The following CP variants were observed in gnomAD, a reference collection of about 807,000 sequenced individuals.
The protein encoded by CP is caeruloplasmin.
CP carries 64 observed loss-of-function variants against 122.4 expected under a neutral mutation model. The observed-to-expected ratio is 0.52, with a 90% CI of 0.43 to 0.64. CP has a LOEUF of 0.64. Ranked by LOEUF, CP falls within the 30% of genes least tolerant of loss-of-function variation. CP has a pLI of 0.00. For synonymous variants in CP, 440 were observed against 436.4 expected (o/e 1.01, Z -0.10); for missense variants, 1,167 against 1,284.4 (o/e 0.91, Z 1.40).
In CP at chr3:149,176,456, G is replaced by A. The variant is rs987297488; in HGVS notation, c.3019-44C>T. 5 of 1,415,340 alleles carry A rather than the reference G, an allele frequency of 3.5e-6. No homozygotes were observed. The South Asian group carries it at 5.8e-5, about 16-fold the overall frequency. 87.7% of individuals were successfully genotyped at this position (1,415,340 alleles called of 1,614,324 possible). A position where few individuals can be genotyped will look rare whatever the true frequency, so the allele number is the denominator to read the frequency against. On this transcript the variant is annotated intron_variant, in intron 17 of 18. Coordinates refer to ENST00000264613, the MANE Select transcript of CP (RefSeq NM_000096.4). ...AAATAATGTATAATATTGTATATGA[G>A]AGTTCACTCATGTCATTTGTTAATG...
chr3:149,171,615 G>A (rs1724995643), downstream of CP, among the ~76,000 whole-genome samples: 1 of 150,924 alleles, frequency 6.6e-6, no homozygotes, highest in Admixed American at 6.6e-5. Flanking sequence ...GGAAAAATAA[G>A]TTACAACCAT....
At chr3:149,200,711 A>G (rs1246940775) in intron 7 of CP, among the ~76,000 whole-genome samples, 1 of 150,712 alleles carries the variant, frequency 6.6e-6, no homozygotes, top group East Asian at 1.9e-4. Flanking sequence ...GGGTTTCGCC[A>G]TGTTGACCAG....
At chr3:149,198,746 T>A (rs1179736077) in intron 8 of CP, among the ~76,000 whole-genome samples, 168 bp from the exon 9 acceptor site, 2 of 152,254 alleles carry the variant, frequency 1.3e-5, no homozygotes, top group African/African-American at 2.4e-5. Context: ...CCGATGTGAT[T>A]GCATCCAGAT....
chr3:149,213,634 GTGT>G (rs1190807364), intron 1 of CP, among the ~76,000 whole-genome samples: 239 of 3,790 alleles, frequency 0.063, 1 homozygote, highest in Admixed American at 0.18. Context: ...CATCATGGGT[GTGT>G]GTGTGTGTGT....
chr3:149,212,142 A>AAAAAAT (rs1200459221), intron 2 of CP, among the ~76,000 whole-genome samples: 2 of 151,796 alleles, frequency 1.3e-5, no homozygotes, highest in Non-Finnish European at 2.9e-5. Flanking sequence ...AAATGCAAAA[A>AAAAAAT]AAAAATAAAA....
intron 12 of CP, among the ~76,000 whole-genome samples, chr3:149,185,011 C>T (rs908105255): frequency 5.9e-5 from 9 of 152,126 alleles, no homozygotes; most frequent in Non-Finnish European, 1.0e-4. Flanking sequence ...GAAAGCAAGA[C>T]TCCAAAGGAT....
At chr3:149,182,382 G>A (rs571565585) in intron 13 of CP, among the ~76,000 whole-genome samples, 1 of 152,288 alleles carries the variant, frequency 6.6e-6, no homozygotes, top group East Asian at 1.9e-4. Context: ...GTCTAATCAT[G>A]GTGGGTTGGA....
At chr3:149,200,434 T>G (rs190547740) in intron 7 of CP, among the ~76,000 whole-genome samples, 2 of 152,328 alleles carry the variant, frequency 1.3e-5, no homozygotes, top group Admixed American at 1.3e-4. Context: ...TTAATCCCTA[T>G]ACCAACTTTA....
chr3:149,185,932 G>A (rs1280643247), intron 11 of CP: 1 of 173,088 alleles, frequency 5.8e-6, no homozygotes, highest in Non-Finnish European at 1.2e-5. Flanking sequence ...AGGAAGGAAA[G>A]CGTGACACTG....
chr3:149,207,575 A>G lies in CP; in HGVS notation c.824T>C (p.Met275Thr), dbSNP rs371198649. The change falls in exon 5 of 19, where the codon ATG becomes ACG. Residue 275 changes from methionine (M) to threonine (T), a missense_variant. By Grantham distance (81) the Met-to-Thr change is moderately conservative (BLOSUM62 -1). Coordinates refer to ENST00000264613, the MANE Select transcript of CP (RefSeq NM_000096.4). ...YTFGSLPGLS[M>T]CAEDRVKWYL... Reference sequence around the variant, plus strand: ...CCATTTTACTCTGTCTTCAGCACACATGGAGAGTCCTGGGAGACTTCCAAA... The same window carrying G: ...CCATTTTACTCTGTCTTCAGCACACGTGGAGAGTCCTGGGAGACTTCCAAA... 2.6e-5 allele frequency: 42 copies of G among 1,613,850 alleles called. No individual in the cohort carries two copies. Among genetic ancestry groups the G allele is most frequent in the Non-Finnish European group, 3.4e-5 (40 of 1,179,822 alleles).
chr3:149,162,523 ATC>A lies in CP; in HGVS notation c.*364_*365del, dbSNP rs761718331. The A allele has an allele frequency of 2.0e-5, 19 of 936,866 alleles. No homozygotes were observed. In the East Asian group the frequency reaches 4.7e-4, roughly 23 times the overall value. The allele number at this position is 936,866 out of a possible 1,614,324, so 58.0% of individuals were successfully genotyped here. On this transcript the variant is annotated 3_prime_UTR_variant, in exon 6 of 6. Coordinates refer to the CP transcript ENST00000479771. ...AGAAACTTTATTTGTACATCCTAGA[ATC>A]TGTTTCCTTTTAAAAATGTCTAAAT...
intron 4 of CP, chr3:149,167,207 A>C: frequency 6.2e-7 from 1 of 1,613,788 alleles, no homozygotes; most frequent in Middle Eastern, 1.7e-4. Flanking sequence ...CAGTCATTCC[A>C]TATGCTAATC....
At chr3:149,221,541 G>T in intron 1 of CP, 106 bp downstream of exon 1, 1 of 1,017,274 alleles carries the variant, frequency 9.8e-7, no homozygotes, top group Non-Finnish European at 1.4e-6. Context: ...CCCACATTTT[G>T]CAGTTTCTGT....
chr3:149,200,247 T>C (rs768931207), intron 7 of CP, among the ~76,000 whole-genome samples: 4 of 152,144 alleles, frequency 2.6e-5, no homozygotes, highest in South Asian at 4.1e-4. Context: ...AGCAGATAAG[T>C]TGAATTGTTT....
chr3:149,187,907 A>T, intron 10 of CP, 145 bp downstream of exon 10: 1 of 802,592 alleles, frequency 1.2e-6, no homozygotes, highest in Non-Finnish European at 2.1e-6. Context: ...TCAAATAACC[A>T]GTGAGATTAC....
At chr3:149,170,491 T>C (rs1337264269), downstream of CP, 1 of 152,218 alleles carries the variant, frequency 6.6e-6, no homozygotes, top group Non-Finnish European at 1.5e-5. Context: ...ACGGGAACTG[T>C]GGAAGCTAGC....
chr3:149,162,669 G>A, exon 6 of CP: 1 of 1,613,076 alleles, frequency 6.2e-7, no homozygotes, highest in Non-Finnish European at 8.5e-7. Flanking sequence ...GAATATAGAG[G>A]CTCCTTTTAC....
chr3:149,198,477 G>C lies in CP; in HGVS notation c.1603C>G (p.Leu535Val), dbSNP rs1727055186. The C allele has an allele frequency of 6.2e-7, 1 of 1,613,910 alleles. No homozygotes were observed. The highest frequency in any genetic ancestry group is 8.5e-7 in the Non-Finnish European group (1 of 1,179,800). Residue 535 changes from leucine to valine, a missense_variant, in exon 9 of 19, where the codon CTA (leucine) becomes GTA (valine). Transcript: ENST00000264613. Reference protein sequence around the residue: ...VGPTNADPVCLAKMYYSAVEP... With the variant: ...VGPTNADPVCVAKMYYSAVEP... ...ACAGCAGAATAATACATCTTAGCTA[G>C]ACACACAGGATCTGCATTAGTGGGT...
downstream of CP, chr3:149,172,250 G>A (rs371176846): frequency 3.1e-5 from 49 of 1,560,344 alleles, no homozygotes; most frequent in Non-Finnish European, 3.9e-5. Context: ...TACCATAATG[G>A]CATTTGAGAC....
Sources: allele counts gnomAD v4.1 joint callset (sites outside exome capture counted in the v4.1 genomes callset), GRCh38; gene constraint gnomAD v4.1.1; transcripts MANE v1.5; gene names NCBI Gene and HGNC (gene_info 2026-07-23, HGNC 2026-07-21).